Variants in FGD4 observed in about 807,000 individuals in gnomAD.
The protein encoded by FGD4 is FYVE, RhoGEF and PH domain-containing protein 4.
Under a neutral mutation model 102.0 loss-of-function variants are expected in FGD4, and 42 were observed. That is an observed-to-expected ratio of 0.41 (90% CI 0.32 to 0.53). The LOEUF (loss-of-function observed/expected upper bound fraction) is 0.53, where lower values mean the gene tolerates loss of function less well. Ranked by LOEUF, FGD4 falls within the 20% of genes least tolerant of loss-of-function variation. The probability of loss-of-function intolerance (pLI) is 0.21; values close to 1 mark genes in which losing one functional copy is unlikely to be tolerated. For missense variants in FGD4, 902 were observed against 1,078.2 expected (o/e 0.84, Z 2.29); for synonymous variants, 380 against 375.7 (o/e 1.01, Z -0.13).
At chr12:32,629,471 A>ATTT (rs1473761492) in intron 14 of FGD4, among the ~76,000 whole-genome samples, 1 of 152,126 alleles carries the variant, frequency 6.6e-6, no homozygotes, top group Non-Finnish European at 1.5e-5. Flanking sequence ...GGAAGGTTCT[A>ATTT]TTTTCTCCAT....
intron 1 of FGD4, among the ~76,000 whole-genome samples, chr12:32,480,130 C>T (rs1240482976): frequency 6.6e-6 from 1 of 151,106 alleles, no homozygotes; most frequent in African/African-American, 2.4e-5. Context: ...CTTATTTGCC[C>T]CAAATGGATA....
intron 1 of FGD4, among the ~76,000 whole-genome samples, chr12:32,416,338 C>T (rs1288827354): frequency 6.6e-6 from 1 of 152,196 alleles, no homozygotes; most frequent in African/African-American, 2.4e-5. Context: ...AGTTGATTTA[C>T]AATCAGTGTT....
chr12:32,494,684 G>C (rs1176993981), intron 1 of FGD4, among the ~76,000 whole-genome samples: 1 of 152,196 alleles, frequency 6.6e-6, no homozygotes, highest in African/African-American at 2.4e-5. Flanking sequence ...AGAATCAGGA[G>C]AGTTGGTTGT....
At position 32,564,284 on chromosome 12, in the gene FGD4, C is replaced by T; in HGVS notation, c.314C>T (p.Pro105Leu). Residue 105 changes from proline to leucine, a missense_variant, in exon 2 of 17, where the codon CCA becomes CTA. Around this residue, in one of 2 missense-constraint regions of FGD4, gnomAD observed 443 missense variants for 459.2 expected, o/e 0.96. Coordinates refer to ENST00000534526, the MANE Select transcript of FGD4 (RefSeq NM_001370298.3). ...AAACACTCAGCTGCAAGTCCAAAGC[C>T]ACAAGGTATGCTCACTGGGAGTTTG... Reference protein sequence around the residue: ...PAKHSAASPKPQVPPKPLHLQ... With the variant: ...PAKHSAASPKLQVPPKPLHLQ... 6.5e-7 allele frequency: 1 copy of T among 1,535,878 alleles called. No homozygotes were observed. The highest frequency in any genetic ancestry group is 8.7e-7 in the Non-Finnish European group (1 of 1,146,794).
At chr12:32,527,589 C>T (rs1197410132) in intron 1 of FGD4, among the ~76,000 whole-genome samples, 1 of 152,108 alleles carries the variant, frequency 6.6e-6, no homozygotes, top group Non-Finnish European at 1.5e-5. Flanking sequence ...GCCACCATGC[C>T]CAGCTAATTT....
chr12:32,556,689 T>C (rs1192587686), intron 1 of FGD4, among the ~76,000 whole-genome samples: 1 of 151,670 alleles, frequency 6.6e-6, no homozygotes, highest in Non-Finnish European at 1.5e-5. Context: ...AAACCCTGTC[T>C]CTACTAAAAA....
intron 5 of FGD4, among the ~76,000 whole-genome samples, chr12:32,600,810 A>C (rs1364086475): frequency 4.6e-5 from 7 of 152,128 alleles, no homozygotes; most frequent in Non-Finnish European, 1.0e-4. Context: ...CCCAAGGAGC[A>C]TACAATTTTA....
intron 1 of FGD4, among the ~76,000 whole-genome samples, chr12:32,426,182 A>G (rs1208634180): frequency 6.6e-6 from 1 of 152,128 alleles, no homozygotes; most frequent in East Asian, 1.9e-4. Context: ...CCCATTCAGT[A>G]TAATATTAGT....
Position 32,602,332 on chromosome 12 carries a change from T to C in FGD4, c.1404+15T>C. 1 of 1,613,854 alleles carries C rather than the reference T, an allele frequency of 6.2e-7. No individual in the cohort carries two copies. Among genetic ancestry groups the C allele is most frequent in the Non-Finnish European group, 8.5e-7 (1 of 1,179,772 alleles). Reference sequence around the variant, plus strand: ...AAGAAATTCAGGTAATAGGACTGTTTTGTTCAAAGCTATGAATTACTATTT... The same window carrying C: ...AAGAAATTCAGGTAATAGGACTGTTCTGTTCAAAGCTATGAATTACTATTT... On this transcript the variant is annotated intron_variant, in intron 7 of 16. Transcript: ENST00000534526.
At chr12:32,632,932 G>A (rs1203086586) in intron 14 of FGD4, among the ~76,000 whole-genome samples, 1 of 152,040 alleles carries the variant, frequency 6.6e-6, no homozygotes, top group Admixed American at 6.6e-5. Flanking sequence ...GGAGGTTTAA[G>A]AGTGGAGGCC....
Position 32,562,893 on chromosome 12 carries a change from A to G in FGD4, c.167-1244A>G, listed in dbSNP as rs1384980992. ...CCCCTTTCTATTCCACAAAACCGCC[A>G]TTGTCATCCCGGCCCGTTCTCAATG... is the stretch of plus-strand genomic sequence containing the variant. On this transcript the variant is annotated intron_variant, in intron 1 of 16. Transcript: ENST00000534526. Among the ~76,000 whole-genome samples, 3 of 150,706 alleles carry G rather than the reference A, an allele frequency of 2.0e-5. No homozygotes were observed. In the Admixed American group the frequency reaches 2.0e-4, roughly 10 times the overall value.
At chr12:32,493,968 G>A (rs1937628814) in intron 1 of FGD4, among the ~76,000 whole-genome samples, 1 of 152,192 alleles carries the variant, frequency 6.6e-6, no homozygotes, top group Non-Finnish European at 1.5e-5. Flanking sequence ...AGGAAGATCT[G>A]GAAGAAAATG....
intron 1 of FGD4, among the ~76,000 whole-genome samples, chr12:32,537,451 G>A (rs1427395335): frequency 1.3e-5 from 2 of 152,184 alleles, no homozygotes; most frequent in East Asian, 1.9e-4. Flanking sequence ...CAGCCTGTGT[G>A]CACCTCTAAA....
intron 1 of FGD4, among the ~76,000 whole-genome samples, chr12:32,529,573 G>A (rs143314904): frequency 0.014 from 2,120 of 151,236 alleles, 34 homozygotes; most frequent in African/African-American, 0.048. Flanking sequence ...GGCCGGGCAC[G>A]GTAGCTCACG....
chr12:32,640,479 G>C lies in FGD4; in HGVS notation c.2658G>C (p.Glu886Asp). 1 of 1,614,138 alleles carries C rather than the reference G, an allele frequency of 6.2e-7. No individual in the cohort carries two copies. Among genetic ancestry groups the C allele is most frequent in the Non-Finnish European group, 8.5e-7 (1 of 1,180,016 alleles). Residue 886 changes from glutamate (E) to aspartate (D), a missense_variant, in exon 17 of 17, where the codon GAG (glutamate) becomes GAC (aspartate). This residue lies in a region of FGD4 where 459 missense variants were observed against 619.0 expected (regional missense o/e 0.74). Transcript: ENST00000534526. ...GTGAGACACCAGGTGGTCCAAATGA[G>C]CATCCAGCCACCTTGGATGATCATC... ...VTGETPGGPN[E>D]HPATLDDHPE...
intron 10 of FGD4, among the ~76,000 whole-genome samples, chr12:32,614,651 A>G (rs923450933): frequency 6.6e-6 from 1 of 152,220 alleles, no homozygotes; most frequent in Non-Finnish European, 1.5e-5. Context: ...TTGACAGAGA[A>G]TCATTAAGCG....
chr12:32,441,730 C>T (rs1047870934), intron 1 of FGD4, among the ~76,000 whole-genome samples: 20 of 152,090 alleles, frequency 1.3e-4, no homozygotes, highest in Admixed American at 1.3e-3. Context: ...CTAGGACTCA[C>T]CTAGAAGTTG....
chr12:32,519,766 C>T (rs1405622042), intron 1 of FGD4, among the ~76,000 whole-genome samples: 9 of 152,074 alleles, frequency 5.9e-5, no homozygotes, highest in Admixed American at 2.0e-4. Context: ...GGTGAAACCC[C>T]GTTTCTACTA....
intron 10 of FGD4, 61 bp from the exon 11 acceptor site, chr12:32,619,637 A>T (rs957547215): frequency 2.5e-6 from 4 of 1,595,176 alleles, no homozygotes; most frequent in African/African-American, 2.7e-5. Flanking sequence ...GTCTCAAAAA[A>T]AAACCTGATC....
Sources: allele counts gnomAD v4.1 joint callset (sites outside exome capture counted in the v4.1 genomes callset), GRCh38; gene constraint gnomAD v4.1.1; regional missense constraint gnomAD v4.1.1; transcripts MANE v1.5; gene names NCBI Gene and HGNC (gene_info 2026-07-23, HGNC 2026-07-21).